STK39: variants seen among roughly 807,000 people sequenced by gnomAD.
The protein encoded by STK39 is STE20/SPS1-related proline-alanine-rich protein kinase.
A neutral mutation model predicts 77.8 loss-of-function variants in STK39; 20 were observed. The ratio of observed to expected loss-of-function variants is 0.26; its 90% confidence interval spans 0.18 to 0.37. The LOEUF (loss-of-function observed/expected upper bound fraction) is 0.37. STK39 is among the 10% of genes least tolerant of loss of function. The pLI, the probability that STK39 is intolerant of heterozygous loss-of-function variation, is 1.00. For missense variants in STK39, 479 were observed against 656.5 expected (o/e 0.73, Z 2.95); for synonymous variants, 246 against 234.1 (o/e 1.05, Z -0.47).
chr2:167,976,795 G>A (rs1053901063), intron 16 of STK39, among the ~76,000 whole-genome samples: 4 of 152,118 alleles, frequency 2.6e-5, no homozygotes, highest in African/African-American at 9.7e-5. Flanking sequence ...AAAACCCCTA[G>A]CCTACAAGCC....
intron 13 of STK39, among the ~76,000 whole-genome samples, chr2:168,064,728 T>C (rs1024514427): frequency 2.0e-5 from 3 of 152,260 alleles, no homozygotes; most frequent in African/African-American, 7.2e-5. Context: ...AGGGCTTGCC[T>C]GTTAATTATA....
chr2:168,206,266 A>T (rs1314922833), intron 1 of STK39, among the ~76,000 whole-genome samples: 1 of 151,972 alleles, frequency 6.6e-6, no homozygotes, highest in Non-Finnish European at 1.5e-5. Flanking sequence ...CAAGTGTTGC[A>T]GCAGAAACAA....
At chr2:168,028,803 C>T (rs867008319) in intron 14 of STK39, among the ~76,000 whole-genome samples, 1 of 152,152 alleles carries the variant, frequency 6.6e-6, no homozygotes, top group African/African-American at 2.4e-5. Flanking sequence ...GCATGAGGCT[C>T]CCAAACCAAC....
At chr2:167,993,935 G>T (rs1057142068) in intron 16 of STK39, among the ~76,000 whole-genome samples, 3 of 152,120 alleles carry the variant, frequency 2.0e-5, no homozygotes, top group Non-Finnish European at 2.9e-5. Context: ...ATTTTGAAAG[G>T]GATGTTAATA....
intron 16 of STK39, among the ~76,000 whole-genome samples, chr2:167,972,635 T>C (rs1380684942): frequency 6.6e-6 from 1 of 152,232 alleles, no homozygotes; most frequent in Non-Finnish European, 1.5e-5. Flanking sequence ...ACAGAAATAT[T>C]GGCCATTTGG....
At chr2:168,060,382 A>G (rs1488245330) in intron 14 of STK39, among the ~76,000 whole-genome samples, 1 of 152,204 alleles carries the variant, frequency 6.6e-6, no homozygotes, top group Non-Finnish European at 1.5e-5. Context: ...GTGGGACCCA[A>G]GAGACACCAG....
At chr2:168,162,241 G>A (rs1239671329) in intron 4 of STK39, among the ~76,000 whole-genome samples, 2 of 137,758 alleles carry the variant, frequency 1.5e-5, no homozygotes, top group African/African-American at 2.7e-5. Flanking sequence ...AGCCAACACC[G>A]TGCCACTGCA....
rs180858432 is a variant in STK39, at chr2:167,989,008, T to C, written c.1498+23626A>G. The stretch of plus-strand genomic sequence containing the variant: ...AGTGCTCACCCCCACAGAACAAGGG[T>C]GAGTGGCATTCCCAGCTTACATCTC... On this transcript the variant is annotated intron_variant, in intron 16 of 17. Coordinates refer to ENST00000355999, the MANE Select transcript of STK39 (RefSeq NM_013233.3). Among the ~76,000 whole-genome samples, 845 of 152,206 alleles carry C rather than the reference T, an allele frequency of 5.6e-3. 6 individuals carry two copies. The highest frequency in any genetic ancestry group is 9.2e-3 in the Non-Finnish European group (627 of 68,002).
chr2:167,979,840 G>A (rs562210388), intron 16 of STK39, among the ~76,000 whole-genome samples: 1 of 152,278 alleles, frequency 6.6e-6, no homozygotes, highest in South Asian at 2.1e-4. Flanking sequence ...CATCATGGAG[G>A]GAAGAAGTGA....
chr2:168,017,600 G>A (rs1684448244), intron 14 of STK39, among the ~76,000 whole-genome samples: 1 of 151,740 alleles, frequency 6.6e-6, no homozygotes, highest in African/African-American at 2.4e-5. Context: ...CCAAACTCCC[G>A]ACCTCAGGTG....
chr2:168,048,349 A>C (rs906476365), intron 14 of STK39, among the ~76,000 whole-genome samples: 4 of 151,860 alleles, frequency 2.6e-5, no homozygotes, highest in African/African-American at 9.7e-5. Context: ...AGTAGCTGGG[A>C]CTACAGGCAA....
intron 10 of STK39, among the ~76,000 whole-genome samples, chr2:168,084,599 G>T (rs774741817): frequency 4.2e-4 from 64 of 152,346 alleles, no homozygotes; most frequent in Admixed American, 1.8e-3. Flanking sequence ...CTACAGTAAA[G>T]TGGGAAGCGG....
At chr2:168,044,721 T>C (rs1053374974) in intron 14 of STK39, among the ~76,000 whole-genome samples, 6 of 152,184 alleles carry the variant, frequency 3.9e-5, no homozygotes, top group African/African-American at 1.2e-4. Context: ...GACAGCTTTT[T>C]GGGAAGGTGA....
intron 1 of STK39, among the ~76,000 whole-genome samples, chr2:168,232,781 A>G (rs1381291709): frequency 6.6e-6 from 1 of 152,054 alleles, no homozygotes. Flanking sequence ...ACGTAGTGGC[A>G]GGTGCCTGTA....
chr2:167,955,934 CACCTTAGTAATCATTCTGA>C (rs1375810244), intron 17 of STK39, among the ~76,000 whole-genome samples: 1 of 152,168 alleles, frequency 6.6e-6, no homozygotes, highest in African/African-American at 2.4e-5. Context: ...CTAACTAAAT[CACCTTAGTAATCATTCTGA>C]GAACAACATG....
chr2:168,187,252 G>A (rs1019306857), intron 1 of STK39, among the ~76,000 whole-genome samples: 3 of 152,090 alleles, frequency 2.0e-5, no homozygotes, highest in African/African-American at 7.2e-5. Context: ...TCAGGAGGGT[G>A]AGGTGGGAGA....
intron 14 of STK39, among the ~76,000 whole-genome samples, chr2:168,050,263 TG>T (rs1685359701): frequency 6.6e-6 from 1 of 152,162 alleles, no homozygotes; most frequent in Non-Finnish European, 1.5e-5. Flanking sequence ...CCAAGAAATG[TG>T]GGACCAGGAA....
At chr2:168,091,773 T>C (rs1430814814) in intron 10 of STK39, among the ~76,000 whole-genome samples, 1 of 152,202 alleles carries the variant, frequency 6.6e-6, no homozygotes, top group Non-Finnish European at 1.5e-5. Flanking sequence ...ATTATCAACA[T>C]TTTGCCAATC....
At chr2:168,171,468 AT>A (rs11333976) in intron 2 of STK39, among the ~76,000 whole-genome samples, 12,100 of 144,110 alleles carry the variant, frequency 0.084, 980 homozygotes, top group East Asian at 0.31. Flanking sequence ...AGAACTGAAA[AT>A]AAAAAAAGGG....
Sources: allele counts gnomAD v4.1 joint callset (sites outside exome capture counted in the v4.1 genomes callset), GRCh38; gene constraint gnomAD v4.1.1; transcripts MANE v1.5; gene names NCBI Gene and HGNC (gene_info 2026-07-23, HGNC 2026-07-21).